FSTL4: variants seen among roughly 807,000 people sequenced by gnomAD.
FSTL4 encodes the protein follistatin-related protein 4.
Under a neutral mutation model 78.2 loss-of-function variants are expected in FSTL4, and 28 were observed. The observed-to-expected ratio is 0.36, with a 90% CI of 0.27 to 0.49. FSTL4 has a LOEUF of 0.49. Among genes scored for constraint, FSTL4 ranks in the 20% least tolerant of loss-of-function variants. FSTL4 has a pLI of 0.98. For synonymous variants in FSTL4, 422 were observed against 440.5 expected (o/e 0.96, Z 0.53); for missense variants, 922 against 1,084.9 (o/e 0.85, Z 2.11).
the FSTL4 span, among the ~76,000 whole-genome samples, chr5:133,630,404 G>A: frequency 6.6e-6 from 1 of 152,148 alleles, no homozygotes; most frequent in Non-Finnish European, 1.5e-5. Flanking sequence ...TTGCTACAAA[G>A]AGAATAAAAT....
At chr5:133,562,598 T>A (rs1759939552) in intron 3 of FSTL4, among the ~76,000 whole-genome samples, 1 of 152,158 alleles carries the variant, frequency 6.6e-6, no homozygotes, top group South Asian at 2.1e-4. Context: ...TCTCCCGGGT[T>A]CCCTCACAGC....
At chr5:133,239,348 G>A (rs575598642) in intron 7 of FSTL4, among the ~76,000 whole-genome samples, 171 of 152,286 alleles carry the variant, frequency 1.1e-3, no homozygotes, top group Middle Eastern at 6.8e-3. Context: ...GAGTGCGGGC[G>A]CACGGCACGG....
At chr5:133,609,101 A>C (rs903764422) in intron 1 of FSTL4, among the ~76,000 whole-genome samples, 2 of 152,198 alleles carry the variant, frequency 1.3e-5, no homozygotes, top group Non-Finnish European at 1.5e-5. Flanking sequence ...TTACCAGACT[A>C]GCCATTAAGG....
At chr5:133,729,744 A>G in the FSTL4 span, among the ~76,000 whole-genome samples, 1 of 152,200 alleles carries the variant, frequency 6.6e-6, no homozygotes, top group Non-Finnish European at 1.5e-5. Context: ...AAAAAGAAGG[A>G]AAATTTCAAG....
At chr5:133,785,369 G>A in the FSTL4 span, among the ~76,000 whole-genome samples, 4 of 152,138 alleles carry the variant, frequency 2.6e-5, no homozygotes, top group East Asian at 1.9e-4. Context: ...GCCCGGGAAC[G>A]TTTGCCGAGA....
chr5:133,222,822 C>T (rs1751186272), intron 11 of FSTL4, among the ~76,000 whole-genome samples: 2 of 152,220 alleles, frequency 1.3e-5, no homozygotes, highest in South Asian at 4.1e-4. Flanking sequence ...CTCATTTCTC[C>T]TGTTGAGACT....
chr5:133,453,881 AT>A (rs1757431680), intron 3 of FSTL4, among the ~76,000 whole-genome samples: 1 of 152,228 alleles, frequency 6.6e-6, no homozygotes, highest in Admixed American at 6.5e-5. Flanking sequence ...ACATTACAGC[AT>A]TTTTATATTT....
At chr5:133,517,479 CCA>C (rs70974086) in intron 3 of FSTL4, among the ~76,000 whole-genome samples, 2,057 of 55,194 alleles carry the variant, frequency 0.037, 46 homozygotes, top group Non-Finnish European at 0.048. Context: ...CACACACACA[CCA>C]CACACACACA....
intron 3 of FSTL4, among the ~76,000 whole-genome samples, chr5:133,443,877 A>AG (rs1268420114): frequency 2.0e-5 from 3 of 152,226 alleles, no homozygotes; most frequent in African/African-American, 7.2e-5. Context: ...TTCTCAGTTC[A>AG]GAATACTCCC....
chr5:133,509,726 TG>T (rs2112886199), intron 3 of FSTL4, among the ~76,000 whole-genome samples: 1 of 152,382 alleles, frequency 6.6e-6, no homozygotes, highest in African/African-American at 2.4e-5. Flanking sequence ...TGTTTCATTA[TG>T]GATAATGGGC....
chr5:133,727,851 G>A, the FSTL4 span, among the ~76,000 whole-genome samples: 1 of 152,188 alleles, frequency 6.6e-6, no homozygotes, highest in Non-Finnish European at 1.5e-5. Flanking sequence ...CAGCGTCAGG[G>A]GAGCCAAGAG....
chr5:133,276,479 C>T lies in FSTL4; in HGVS notation c.728-26903G>A, dbSNP rs1752887613. Among the ~76,000 whole-genome samples, 14 of 152,152 alleles carry T rather than the reference C, an allele frequency of 9.2e-5. 1 individual carries two copies. The highest frequency in any genetic ancestry group is 9.2e-4 in the Admixed American group (14 of 15,282). On this transcript the variant is annotated intron_variant, in intron 6 of 15. Transcript: ENST00000265342. ...CAAATTCTTGAAAAGTGTCCCTGAC[C>T]CAAAGGCAGGGAGGGCCCTGTAGGA...
chr5:133,535,667 T>G (rs1368853669), intron 3 of FSTL4, among the ~76,000 whole-genome samples: 1 of 152,198 alleles, frequency 6.6e-6, no homozygotes, highest in African/African-American at 2.4e-5. Flanking sequence ...TTTCTGTGTG[T>G]GTGTCTTTAA....
At chr5:133,804,913 A>C in the FSTL4 span, among the ~76,000 whole-genome samples, 3 of 138,934 alleles carry the variant, frequency 2.2e-5, no homozygotes, top group African/African-American at 8.2e-5. Flanking sequence ...ACTGCACTCC[A>C]GCCTGGGCGA....
At chr5:133,537,922 A>G (rs931505839) in intron 3 of FSTL4, among the ~76,000 whole-genome samples, 2 of 152,046 alleles carry the variant, frequency 1.3e-5, no homozygotes, top group Admixed American at 1.3e-4. Context: ...AACACAGTAC[A>G]TACATGTATT....
At chr5:133,726,849 C>T in the FSTL4 span, among the ~76,000 whole-genome samples, 13,622 of 152,208 alleles carry the variant, frequency 0.089, 2,023 homozygotes, top group African/African-American at 0.31. Context: ...CTTTGCTGAA[C>T]GAAATTAAGA....
the FSTL4 span, among the ~76,000 whole-genome samples, chr5:133,748,167 C>T: frequency 2.6e-5 from 4 of 151,412 alleles, no homozygotes; most frequent in Non-Finnish European, 4.4e-5. Context: ...GCACTCCAGC[C>T]TGGCGACAGA....
chr5:133,218,467 C>T (rs1285717572), intron 12 of FSTL4, among the ~76,000 whole-genome samples: 2 of 152,182 alleles, frequency 1.3e-5, no homozygotes, highest in Non-Finnish European at 2.9e-5. Flanking sequence ...ACTCCTCTTT[C>T]TCAATTCCCC....
At chr5:133,653,153 A>C in the FSTL4 span, among the ~76,000 whole-genome samples, 4 of 152,186 alleles carry the variant, frequency 2.6e-5, no homozygotes, top group Non-Finnish European at 5.9e-5. Flanking sequence ...GTAGACTGTT[A>C]ATGCTAGAAG....
Sources: gnomAD v4.1 joint callset for allele counts (sites outside exome capture counted in the v4.1 genomes callset) on GRCh38, gnomAD v4.1.1 for gene constraint, MANE v1.5 for transcripts, NCBI Gene and HGNC (gene_info 2026-07-23, HGNC 2026-07-21) for gene names.